The following SV2C variants were observed in gnomAD, a reference collection of about 807,000 sequenced individuals.
The protein encoded by SV2C is synaptic vesicle glycoprotein 2C.
SV2C carries 49 observed loss-of-function variants against 79.7 expected under a neutral mutation model. That is an observed-to-expected ratio of 0.61 (90% CI 0.49 to 0.78). The LOEUF (loss-of-function observed/expected upper bound fraction) is 0.78. Ranked by LOEUF, SV2C falls within the 30% of genes least tolerant of loss-of-function variation. The pLI, the probability that SV2C is intolerant of heterozygous loss-of-function variation, is 0.00. For synonymous variants in SV2C, 334 were observed against 333.2 expected, an observed-to-expected ratio of 1.00 and a Z score of -0.03; for missense variants, 833 against 912.9, an observed-to-expected ratio of 0.91 and a Z score of 1.13.
the SV2C span, among the ~76,000 whole-genome samples, chr5:75,909,173 C>T: frequency 0.028 from 4,217 of 152,216 alleles, 186 homozygotes; most frequent in African/African-American, 0.093. Flanking sequence ...CTGATTTCCA[C>T]GGTGCCATGC....
the SV2C span, among the ~76,000 whole-genome samples, chr5:75,848,256 G>A: frequency 6.6e-6 from 1 of 152,234 alleles, no homozygotes; most frequent in Non-Finnish European, 1.5e-5. Flanking sequence ...AGAGCCTGTT[G>A]TCAAGAGCTC....
At chr5:76,322,089 C>T (rs929129952) in intron 12 of SV2C, among the ~76,000 whole-genome samples, 1 of 152,186 alleles carries the variant, frequency 6.6e-6, no homozygotes, top group Non-Finnish European at 1.5e-5. Flanking sequence ...ACCTCACCCT[C>T]CCTAATTTTC....
At chr5:75,975,059 C>G in the SV2C span, among the ~76,000 whole-genome samples, 3 of 152,046 alleles carry the variant, frequency 2.0e-5, no homozygotes, top group African/African-American at 7.2e-5. Flanking sequence ...CAGTTGAATC[C>G]ATTACTTTGC....
chr5:76,158,112 A>G (rs1423608285), intron 2 of SV2C, among the ~76,000 whole-genome samples: 4 of 151,912 alleles, frequency 2.6e-5, no homozygotes, highest in African/African-American at 9.6e-5. Context: ...CAAGAAAGCA[A>G]TAAAGGTGGA....
At chr5:76,001,006 T>TAAA in the SV2C span, among the ~76,000 whole-genome samples, 4 of 136,890 alleles carry the variant, frequency 2.9e-5, no homozygotes, top group Admixed American at 7.4e-5. Flanking sequence ...TCGGTACAAT[T>TAAA]AAAAAAAAAA....
the SV2C span, among the ~76,000 whole-genome samples, chr5:75,896,960 GGATAT>G: frequency 6.9e-6 from 1 of 144,036 alleles, no homozygotes; most frequent in Non-Finnish European, 1.5e-5. Flanking sequence ...TGTAGATTCT[GGATAT>G]TAGCCTTTTG....
the SV2C span, among the ~76,000 whole-genome samples, chr5:76,073,501 GTGTATATATATATATA>G: frequency 5.4e-3 from 469 of 87,244 alleles, 6 homozygotes; most frequent in African/African-American, 0.018. Context: ...ATGTATGTGT[GTGTATATATATATATA>G]TATATATATA....
At chr5:76,272,556 A>G (rs1270946137) in intron 4 of SV2C, among the ~76,000 whole-genome samples, 2 of 152,250 alleles carry the variant, frequency 1.3e-5, no homozygotes, top group African/African-American at 4.8e-5. Flanking sequence ...CAAGTCCTCT[A>G]TCAACTTTTG....
At chr5:76,241,822 C>A (rs1368545551) in intron 4 of SV2C, among the ~76,000 whole-genome samples, 3 of 152,190 alleles carry the variant, frequency 2.0e-5, no homozygotes, top group African/African-American at 7.2e-5. Context: ...CCACATCAAT[C>A]CAGCTTTGGA....
the SV2C span, among the ~76,000 whole-genome samples, chr5:75,935,074 G>A: frequency 3.3e-4 from 50 of 152,018 alleles, no homozygotes; most frequent in African/African-American, 8.9e-4. Context: ...TATGGTTACA[G>A]TTTATATACT....
At chr5:76,109,426 T>C (rs969604523) in intron 1 of SV2C, among the ~76,000 whole-genome samples, 3 of 152,232 alleles carry the variant, frequency 2.0e-5, no homozygotes, top group African/African-American at 7.2e-5. Flanking sequence ...ATAATTCTTC[T>C]TAAGTATAAT....
In SV2C at chr5:76,319,373, G is replaced by A. The variant is rs1026796600; in HGVS notation, c.2001-5991G>A. Among the ~76,000 whole-genome samples, 6 of 151,982 alleles carry A rather than the reference G, an allele frequency of 3.9e-5. No homozygotes were observed. The South Asian group carries it at 8.3e-4, about 21-fold the overall frequency. Reference sequence around the variant, plus strand: ...GTCGAGGCTGCAGTGAGCCATGATCGCGCCACTGCACTCCAGCCTGGGCCA... The same window carrying A: ...GTCGAGGCTGCAGTGAGCCATGATCACGCCACTGCACTCCAGCCTGGGCCA... On this transcript the variant is annotated intron_variant, in intron 12 of 12. Transcript: ENST00000502798.
chr5:76,026,036 G>C, the SV2C span, among the ~76,000 whole-genome samples: 1 of 151,982 alleles, frequency 6.6e-6, no homozygotes, highest in African/African-American at 2.4e-5. Flanking sequence ...CCTTTATAAG[G>C]CATCCTATCC....
chr5:76,018,448 G>A, the SV2C span, among the ~76,000 whole-genome samples: 150 of 152,174 alleles, frequency 9.9e-4, no homozygotes, highest in African/African-American at 3.5e-3. Flanking sequence ...ACGTAAAGGG[G>A]TTTTTCAAGG....
chr5:76,053,547 A>T, the SV2C span, among the ~76,000 whole-genome samples: 5 of 152,220 alleles, frequency 3.3e-5, no homozygotes, highest in Non-Finnish European at 7.3e-5. Context: ...ATTACTTTTT[A>T]GGAAATGATA....
At chr5:76,269,087 C>T (rs967120246) in intron 4 of SV2C, among the ~76,000 whole-genome samples, 2 of 152,194 alleles carry the variant, frequency 1.3e-5, no homozygotes, top group Non-Finnish European at 2.9e-5. Flanking sequence ...GATTTCTCCT[C>T]CTAGGCACTG....
At chr5:76,281,211 C>A in intron 4 of SV2C, 1 of 531,322 alleles carries the variant, frequency 1.9e-6, no homozygotes, top group Non-Finnish European at 3.8e-6. Context: ...ACAGAAAAGA[C>A]AACAACAGTG....
the SV2C span, among the ~76,000 whole-genome samples, chr5:75,909,162 A>G: frequency 6.6e-6 from 1 of 152,134 alleles, no homozygotes; most frequent in Non-Finnish European, 1.5e-5. Flanking sequence ...AAGGGACCAC[A>G]CTGATTTCCA....
chr5:76,043,500 C>A, the SV2C span, among the ~76,000 whole-genome samples: 1 of 152,154 alleles, frequency 6.6e-6, no homozygotes, highest in African/African-American at 2.4e-5. Flanking sequence ...GATAATTAAC[C>A]ACTGCACTTT....
Sources: allele counts gnomAD v4.1 joint callset (sites outside exome capture counted in the v4.1 genomes callset), GRCh38; gene constraint gnomAD v4.1.1; transcripts MANE v1.5; gene names NCBI Gene and HGNC (gene_info 2026-07-23, HGNC 2026-07-21).